Variants in RBFOX1 observed in about 807,000 individuals in gnomAD.
RBFOX1 encodes RNA binding fox-1 homolog 1, also known as RNA binding protein fox-1 homolog 1.
Under a neutral mutation model 57.7 loss-of-function variants are expected in RBFOX1, and 8 were observed. The observed-to-expected ratio is 0.14, with a 90% CI of 0.08 to 0.25. The LOEUF (loss-of-function observed/expected upper bound fraction) is 0.25, where lower values mean the gene tolerates loss of function less well. Among genes scored for constraint, RBFOX1 ranks in the 10% least tolerant of loss-of-function variants. RBFOX1 has a pLI of 1.00. For missense variants in RBFOX1, 611 were observed against 548.5 expected (o/e 1.11, Z -1.14); for synonymous variants, 326 against 222.4 (o/e 1.47, Z -4.15).
chr16:7,054,316 C>G (rs1311338089), intron 4 of RBFOX1, among the ~76,000 whole-genome samples: 3 of 138,594 alleles, frequency 2.2e-5, no homozygotes, highest in Non-Finnish European at 1.5e-5. Flanking sequence ...CTCAGTTCAC[C>G]GCAACCTCTG....
chr16:6,473,895 G>T (rs1413266503), intron 2 of RBFOX1, among the ~76,000 whole-genome samples: 1 of 152,140 alleles, frequency 6.6e-6, no homozygotes, highest in East Asian at 1.9e-4. Flanking sequence ...ACAAAAATTA[G>T]GAAAGCTGTC....
At chr16:5,821,892 G>T (rs1307990103) in intron 3 of RBFOX1, among the ~76,000 whole-genome samples, 1 of 152,136 alleles carries the variant, frequency 6.6e-6, no homozygotes, top group Non-Finnish European at 1.5e-5. Context: ...ATAAGGCACG[G>T]AGCCTTCATG....
At chr16:6,238,640 G>A (rs527745573) in intron 1 of RBFOX1, among the ~76,000 whole-genome samples, 13 of 152,192 alleles carry the variant, frequency 8.5e-5, no homozygotes, top group South Asian at 2.1e-4. Context: ...AAATTTGGCC[G>A]CACTCCACAC....
chr16:7,653,807 C>T lies in RBFOX1; in HGVS notation c.758-8C>T, dbSNP rs767090791. On this transcript the variant is annotated splice_region_variant and splice_polypyrimidine_tract_variant and intron_variant, in intron 11 of 15. Coordinates refer to ENST00000550418, the MANE Select transcript of RBFOX1 (RefSeq NM_018723.4). ...TGCTCTCTCTCTCTCTCTCCTCTTGCCCCGCAGTGCCAGGCTTCCCGTATC... is the reference window on the plus strand; with the variant it reads ...TGCTCTCTCTCTCTCTCTCCTCTTGTCCCGCAGTGCCAGGCTTCCCGTATC... The T allele has an allele frequency of 5.6e-6, 9 of 1,607,834 alleles. No homozygotes were observed. Among genetic ancestry groups the T allele is most frequent in the South Asian group, 4.4e-5 (4 of 91,044 alleles).
intron 4 of RBFOX1, among the ~76,000 whole-genome samples, chr16:5,987,193 C>G (rs185693625): frequency 1.3e-5 from 2 of 152,156 alleles, no homozygotes; most frequent in Non-Finnish European, 2.9e-5. Context: ...TGTTTGTTCA[C>G]ATATTTTGCC....
chr16:7,704,570 C>A (rs926653670), intron 14 of RBFOX1, among the ~76,000 whole-genome samples: 1 of 152,160 alleles, frequency 6.6e-6, no homozygotes, highest in African/African-American at 2.4e-5. Flanking sequence ...GCTGCCTCCT[C>A]TCTACCTGCA....
intron 3 of RBFOX1, among the ~76,000 whole-genome samples, chr16:6,682,685 G>T (rs1478890254): frequency 6.6e-6 from 1 of 151,840 alleles, no homozygotes; most frequent in Non-Finnish European, 1.5e-5. Context: ...GCCGCCATGT[G>T]TCCCCCGGCG....
At chr16:6,292,848 G>A (rs996281203) in intron 1 of RBFOX1, among the ~76,000 whole-genome samples, 12 of 152,216 alleles carry the variant, frequency 7.9e-5, no homozygotes, top group South Asian at 4.1e-4. Context: ...GAGCACTTCC[G>A]TTTTCTACTT....
At chr16:5,281,605 T>A (rs1210680255) in intron 1 of RBFOX1, among the ~76,000 whole-genome samples, 3 of 152,226 alleles carry the variant, frequency 2.0e-5, no homozygotes, top group Non-Finnish European at 4.4e-5. Flanking sequence ...GTCTGTATGC[T>A]CTTATGTTGG....
intron 4 of RBFOX1, among the ~76,000 whole-genome samples, chr16:7,419,925 CTTTT>C (rs367626244): frequency 6.5e-4 from 66 of 101,720 alleles, no homozygotes; most frequent in Non-Finnish European, 9.9e-4. Context: ...TTCTTTCTTC[CTTTT>C]TTTTTTTTTT....
chr16:7,417,473 C>G (rs2098492421), intron 4 of RBFOX1, among the ~76,000 whole-genome samples: 1 of 151,502 alleles, frequency 6.6e-6, no homozygotes, highest in African/African-American at 2.4e-5. Context: ...CACCAGGAAA[C>G]TGACCTTGAT....
At chr16:7,708,670 G>A (rs1002356042) in intron 14 of RBFOX1, among the ~76,000 whole-genome samples, 1 of 152,146 alleles carries the variant, frequency 6.6e-6, no homozygotes, top group African/African-American at 2.4e-5. Context: ...GGAGAAAAAG[G>A]CACTCTCTTG....
At chr16:7,230,763 C>T (rs903298902) in intron 4 of RBFOX1, among the ~76,000 whole-genome samples, 3 of 152,196 alleles carry the variant, frequency 2.0e-5, no homozygotes, top group Admixed American at 1.3e-4. Flanking sequence ...ATTTACACAA[C>T]TGAATTTCTG....
intron 1 of RBFOX1, among the ~76,000 whole-genome samples, chr16:5,453,469 C>T (rs1365716953): frequency 6.6e-6 from 1 of 152,160 alleles, no homozygotes; most frequent in Non-Finnish European, 1.5e-5. Flanking sequence ...CCTATCCCAG[C>T]ACTAGGGCAG....
chr16:6,470,511 C>T (rs549628417), intron 2 of RBFOX1, among the ~76,000 whole-genome samples: 1 of 152,300 alleles, frequency 6.6e-6, no homozygotes, highest in East Asian at 1.9e-4. Flanking sequence ...TTCTATTCTT[C>T]CAAGATGACC....
At position 7,500,228 on chromosome 16, in the gene RBFOX1, T is replaced by C. The variant is rs60219391; in HGVS notation, c.28-17919T>C. 4.7e-3 allele frequency among the ~76,000 whole-genome samples: 719 copies of C among 152,338 alleles called. 7 individuals are homozygous for C. Among genetic ancestry groups the C allele is most frequent in the African/African-American group, 0.017 (689 of 41,578 alleles). On this transcript the variant is annotated intron_variant, in intron 4 of 15. Coordinates refer to ENST00000550418, the MANE Select transcript of RBFOX1 (RefSeq NM_018723.4). Reference sequence around the variant, plus strand: ...ATGTATAGGCTTAGAGATCCTCATATTGGGAAAGAGTCAGTTACTGATCTT... The same window carrying C: ...ATGTATAGGCTTAGAGATCCTCATACTGGGAAAGAGTCAGTTACTGATCTT...
chr16:7,298,027 T>C lies in RBFOX1; in HGVS notation c.28-220120T>C, dbSNP rs528770903. 7.9e-5 allele frequency among the ~76,000 whole-genome samples: 12 copies of C among 152,164 alleles called. No individual in the cohort carries two copies. The South Asian group carries it at 2.1e-3, about 26-fold the overall frequency. On this transcript the variant is annotated intron_variant, in intron 4 of 15. Coordinates refer to ENST00000550418, the MANE Select transcript of RBFOX1 (RefSeq NM_018723.4). ...CGTAGAGTTTTGCTGTTTGTTTTGGTTTGATTTTTCACATGTGAAATTTTG... is the reference window on the plus strand; with the variant it reads ...CGTAGAGTTTTGCTGTTTGTTTTGGCTTGATTTTTCACATGTGAAATTTTG...
At chr16:5,353,788 C>T (rs577863648) in intron 1 of RBFOX1, among the ~76,000 whole-genome samples, 12 of 151,570 alleles carry the variant, frequency 7.9e-5, no homozygotes, top group South Asian at 4.2e-4. Context: ...TAGGACGTCT[C>T]GGGGGCTACT....
At chr16:6,247,669 G>C (rs1293070835) in intron 1 of RBFOX1, among the ~76,000 whole-genome samples, 1 of 152,154 alleles carries the variant, frequency 6.6e-6, no homozygotes, top group African/African-American at 2.4e-5. Flanking sequence ...AGAGCATAGA[G>C]AAGCAAAGAT....
Sources: allele counts gnomAD v4.1 joint callset (sites outside exome capture counted in the v4.1 genomes callset), GRCh38; gene constraint gnomAD v4.1.1; transcripts MANE v1.5; gene names NCBI Gene and HGNC (gene_info 2026-07-23, HGNC 2026-07-21).